VEPH1: variants seen among roughly 807,000 people sequenced by gnomAD.
The protein encoded by VEPH1 is ventricular zone-expressed PH domain-containing protein homolog 1.
Under a neutral mutation model 85.2 loss-of-function variants are expected in VEPH1, and 80 were observed. That is an observed-to-expected ratio of 0.94 (90% CI 0.78 to 1.13). The LOEUF (loss-of-function observed/expected upper bound fraction) is 1.13, where lower values mean the gene tolerates loss of function less well. Ranked by LOEUF, VEPH1 falls within the 50% of genes most tolerant of loss-of-function variation. The pLI, the probability that VEPH1 is intolerant of heterozygous loss-of-function variation, is 0.00. For missense variants in VEPH1, 955 were observed against 980.5 expected (o/e 0.97, Z 0.35); for synonymous variants, 297 against 348.0 (o/e 0.85, Z 1.63).
At chr3:157,442,891 G>C (rs1368640247) in intron 4 of VEPH1, 1 of 1,614,080 alleles carries the variant, frequency 6.2e-7, no homozygotes, top group Non-Finnish European at 8.5e-7. Context: ...GAGACCGGAG[G>C]AGCAGAGTCT....
chr3:157,423,976 C>T (rs1577620523), intron 5 of VEPH1, among the ~76,000 whole-genome samples: 1 of 152,156 alleles, frequency 6.6e-6, no homozygotes, highest in East Asian at 1.9e-4. Context: ...ATTGAATAAC[C>T]TTGGACTAAC....
At chr3:157,356,631 T>G (rs1247885650) in intron 9 of VEPH1, among the ~76,000 whole-genome samples, 1 of 152,198 alleles carries the variant, frequency 6.6e-6, no homozygotes, top group Non-Finnish European at 1.5e-5. Context: ...TAATCTCTTT[T>G]CAGTTTCCTG....
intron 6 of VEPH1, among the ~76,000 whole-genome samples, chr3:157,392,495 A>C (rs1729954171): frequency 6.6e-6 from 1 of 152,202 alleles, no homozygotes; most frequent in African/African-American, 2.4e-5. Context: ...TGACATAGCC[A>C]AACTATATCA....
intron 9 of VEPH1, among the ~76,000 whole-genome samples, chr3:157,356,575 C>T (rs1018022412): frequency 3.9e-5 from 6 of 152,148 alleles, no homozygotes; most frequent in Non-Finnish European, 7.3e-5. Flanking sequence ...CCCTCCTCCA[C>T]CCCCACCTTT....
At chr3:157,361,987 A>G (rs1726095416) in intron 9 of VEPH1, among the ~76,000 whole-genome samples, 2 of 152,020 alleles carry the variant, frequency 1.3e-5, no homozygotes, top group Non-Finnish European at 2.9e-5. Flanking sequence ...ACTGTTACTG[A>G]TCTTGCTGTC....
At chr3:157,341,175 G>A (rs547393306) in intron 9 of VEPH1, among the ~76,000 whole-genome samples, 2 of 152,356 alleles carry the variant, frequency 1.3e-5, no homozygotes, top group South Asian at 4.1e-4. Context: ...GCTGGATGGA[G>A]AATGACTTTG....
chr3:157,499,063 T>A (rs1042427701), intron 1 of VEPH1, among the ~76,000 whole-genome samples: 2 of 152,188 alleles, frequency 1.3e-5, no homozygotes, highest in Non-Finnish European at 2.9e-5. Context: ...AGGTTAAGTA[T>A]CATGCCCAAG....
At chr3:157,398,864 G>A (rs1314309433) in intron 6 of VEPH1, among the ~76,000 whole-genome samples, 1 of 151,830 alleles carries the variant, frequency 6.6e-6, no homozygotes, top group Non-Finnish European at 1.5e-5. Context: ...TCTGGTCTGG[G>A]CCCCACTCAA....
intron 2 of VEPH1, 118 bp downstream of exon 2, chr3:157,495,094 C>G (rs1739553147): frequency 1.9e-6 from 2 of 1,043,300 alleles, no homozygotes; most frequent in African/African-American, 3.2e-5. Flanking sequence ...TTAAGAGAGA[C>G]CAATATTAGT....
intron 4 of VEPH1, chr3:157,459,804 G>A: frequency 1.3e-6 from 2 of 1,484,716 alleles, no homozygotes; most frequent in East Asian, 2.5e-5. Context: ...GCTTTTGGAA[G>A]CAAATGAAGA....
chr3:157,374,798 G>A (rs924335610), intron 7 of VEPH1, among the ~76,000 whole-genome samples: 1 of 152,222 alleles, frequency 6.6e-6, no homozygotes, highest in African/African-American at 2.4e-5. Context: ...GGGCATTCTA[G>A]AAGGTGATGG....
intron 6 of VEPH1, among the ~76,000 whole-genome samples, chr3:157,411,815 T>C (rs554167510): frequency 6.6e-6 from 1 of 152,340 alleles, no homozygotes; most frequent in African/African-American, 2.4e-5. Context: ...CCTCTCCTTC[T>C]CCTGGTACCC....
chr3:157,432,034 G>C (rs553967356), intron 4 of VEPH1, among the ~76,000 whole-genome samples: 38 of 151,870 alleles, frequency 2.5e-4, no homozygotes, highest in South Asian at 2.3e-3. Context: ...ATTTTTAGTA[G>C]AGATGGAGTT....
chr3:157,398,942 T>C (rs1161413914), intron 6 of VEPH1, among the ~76,000 whole-genome samples: 1 of 152,114 alleles, frequency 6.6e-6, no homozygotes, highest in Non-Finnish European at 1.5e-5. Context: ...TTACCAGCCA[T>C]CTAGGCATCC....
chr3:157,408,541 A>G (rs1731303126), intron 6 of VEPH1, among the ~76,000 whole-genome samples: 1 of 152,128 alleles, frequency 6.6e-6, no homozygotes, highest in Non-Finnish European at 1.5e-5. Context: ...GATAATATTT[A>G]TTTCCCCTGG....
chr3:157,470,221 T>A lies in VEPH1; in HGVS notation c.354+93A>T. The A allele has an allele frequency of 2.6e-6, 3 of 1,152,588 alleles. 1 individual carries two copies. In the South Asian group the frequency reaches 4.1e-5, roughly 16 times the overall value. 71.4% of individuals were successfully genotyped at this position (1,152,588 alleles called of 1,614,324 possible). A position where few individuals can be genotyped will look rare whatever the true frequency, so the allele number is the denominator to read the frequency against. On this transcript the variant is annotated intron_variant, in intron 3 of 13. Transcript: ENST00000362010. ...GTGTCTTTTTACAGTATCTAAATGC[T>A]GCAGAAGCATTGGCTCTTGGTTCAC...
intron 9 of VEPH1, among the ~76,000 whole-genome samples, chr3:157,358,149 G>T (rs1260718930): frequency 6.6e-6 from 1 of 152,178 alleles, no homozygotes; most frequent in Non-Finnish European, 1.5e-5. Flanking sequence ...AGATGACTGG[G>T]ATTGGGATAT....
At chr3:157,345,395 A>G (rs1441386600) in intron 9 of VEPH1, among the ~76,000 whole-genome samples, 2 of 152,240 alleles carry the variant, frequency 1.3e-5, no homozygotes, top group Non-Finnish European at 2.9e-5. Flanking sequence ...TTCTCAAAAG[A>G]AGACATTTAT....
At chr3:157,424,082 A>G (rs1297938308) in intron 5 of VEPH1, among the ~76,000 whole-genome samples, 2 of 152,160 alleles carry the variant, frequency 1.3e-5, no homozygotes, top group Non-Finnish European at 2.9e-5. Context: ...TAATTCCCAC[A>G]TGTTGTGGGA....
Sources: gnomAD v4.1 joint callset for allele counts (sites outside exome capture counted in the v4.1 genomes callset) on GRCh38, gnomAD v4.1.1 for gene constraint, MANE v1.5 for transcripts, NCBI Gene and HGNC (gene_info 2026-07-23, HGNC 2026-07-21) for gene names.